The following ACR variants were observed in gnomAD, a reference collection of about 807,000 sequenced individuals.
ACR encodes acrosin light and heavy chain prepropeptide.
A neutral mutation model predicts 26.0 loss-of-function variants in ACR; 17 were observed. That is an observed-to-expected ratio of 0.65 (90% CI 0.45 to 0.98). ACR has a LOEUF of 0.98. ACR is among the 50% of genes least tolerant of loss of function. The pLI is 0.00. For missense variants in ACR, 435 were observed against 519.3 expected (o/e 0.84, Z 1.58); for synonymous variants, 199 against 207.7 (o/e 0.96, Z 0.36).
rs1385110145 is a variant in ACR, at chr22:50,744,223, C to T, written c.711+17C>T. On this transcript the variant is annotated intron_variant, in intron 4 of 4. Coordinates refer to ENST00000216139, the MANE Select transcript of ACR (RefSeq NM_001097.3). ...ACCTGCCAGGTAACCTTCCTTCTGG[C>T]TTCTGGGCCCCTGGGTCCCTCCAGG... 1 of 1,605,690 alleles carries T rather than the reference C, an allele frequency of 6.2e-7. No homozygotes were observed. The highest frequency in any genetic ancestry group is 1.3e-5 in the African/African-American group (1 of 74,518).
chr22:50,742,720 C>G (rs533580620), intron 3 of ACR, among the ~76,000 whole-genome samples: 1 of 152,194 alleles, frequency 6.6e-6, no homozygotes, highest in South Asian at 2.1e-4. Flanking sequence ...AGCGAGCACT[C>G]GTTCAGCAGC....
intron 3 of ACR, chr22:50,740,807 C>G: frequency 1.5e-6 from 1 of 678,944 alleles, no homozygotes; most frequent in South Asian, 1.6e-5. Context: ...TTCTTCCGTA[C>G]CAGACCAGGC....
chr22:50,744,916 T>C lies in ACR; in HGVS notation c.975T>C (p.Pro325=), dbSNP rs1217547418. ...CCCACCCTATCTCTGCTCACCTTCC[T>C]TGGTATTTCCAACCGCCCCCTCGAC... The part of the protein sequence containing the change: ...PFSHPISAHL[P]WYFQPPPRPL... Residue 325 remains proline (P), a synonymous_variant, in exon 5 of 5, where the codon CCT becomes CCC. Transcript: ENST00000216139. 18 of 1,554,780 alleles carry C rather than the reference T, an allele frequency of 1.2e-5. No homozygotes were observed. The highest frequency in any genetic ancestry group is 1.4e-5 in the Non-Finnish European group (16 of 1,153,062).
Position 50,739,705 on chromosome 22 carries a change from A to G in ACR, c.293A>G (p.Asp98Gly). 6.5e-7 allele frequency: 1 copy of G among 1,540,178 alleles called. No individual in the cohort carries two copies. The highest frequency in any genetic ancestry group is 1.3e-5 in the South Asian group (1 of 77,644). Reference sequence around the variant, plus strand: ...CTTTGTGCCCACAGTAATGTGCATGACTGGAGACTGGTTTTCGGAGCAAAG... The same window carrying G: ...CTTTGTGCCCACAGTAATGTGCATGGCTGGAGACTGGTTTTCGGAGCAAAG... ...HCFVGKNNVH[D>G]WRLVFGAKEI... Residue 98 changes from aspartate (D) to glycine (G), a missense_variant, in exon 3 of 5, where the codon GAC becomes GGC. Transcript: ENST00000216139. The surrounding 1 kb of genome is among the most constrained non-coding windows in gnomAD (Gnocchi z 5.5).
In ACR at chr22:50,743,114, C is replaced by T. The variant is rs549738908; in HGVS notation, c.566-947C>T. Among the ~76,000 whole-genome samples, 280 of 151,650 alleles carry T rather than the reference C, an allele frequency of 1.8e-3. 1 individual carries two copies. Among genetic ancestry groups the T allele is most frequent in the Middle Eastern group, 6.8e-3 (2 of 294 alleles). Reference sequence around the variant, plus strand: ...GCAGTGGCGCCATCTCGGCTCACTGCAAGCTCCGCCTCCCGGGTTCACGCC... The same window carrying T: ...GCAGTGGCGCCATCTCGGCTCACTGTAAGCTCCGCCTCCCGGGTTCACGCC... On this transcript the variant is annotated intron_variant, in intron 3 of 4. Transcript: ENST00000216139.
intron 3 of ACR, among the ~76,000 whole-genome samples, chr22:50,742,620 T>A (rs1284436541): frequency 6.6e-6 from 1 of 151,808 alleles, no homozygotes; most frequent in Non-Finnish European, 1.5e-5. Context: ...ATGTCACCCC[T>A]ACCCCAAGGG....
chr22:50,745,307 A>T lies in ACR; in HGVS notation c.*100A>T, dbSNP rs1248279275. 4.0e-6 allele frequency: 5 copies of T among 1,240,290 alleles called. No individual in the cohort carries two copies. The highest frequency in any genetic ancestry group is 5.4e-6 in the Non-Finnish European group (5 of 923,962). 76.8% of individuals were successfully genotyped at this position (1,240,290 alleles called of 1,614,324 possible). ...CATATATATATAGATATACACACAC[A>T]CATATCTGTATGTATACATGCATAT... On this transcript the variant is annotated 3_prime_UTR_variant, in exon 5 of 5. Coordinates refer to ENST00000216139, the MANE Select transcript of ACR (RefSeq NM_001097.3).
intron 4 of ACR, 80 bp downstream of exon 4, chr22:50,744,286 C>T: frequency 3.3e-6 from 4 of 1,205,812 alleles, no homozygotes; most frequent in Non-Finnish European, 3.6e-6. Flanking sequence ...CTTTTGGATC[C>T]CCAAGCTCCA....
rs752296315 is a variant in ACR at position 50,744,148 on chromosome 22, G to A, written c.653G>A (p.Arg218His). ...AACTCGACCCAGTGGTACAATGGGC[G>A]CGTTCAGCCAACCAATGTGTGCGCG... ...LCNSTQWYNG[R>H]VQPTNVCAGY... The change falls in exon 4 of 5, where the codon CGC becomes CAC. Residue 218 changes from arginine (R) to histidine (H), a missense_variant. Arg to His is a conservative substitution (Grantham distance 29). This residue lies in a region of ACR where 314 missense variants were observed against 372.0 expected (regional missense o/e 0.84). Transcript: ENST00000216139. 1.8e-5 allele frequency: 29 copies of A among 1,613,902 alleles called. No homozygotes were observed. The highest frequency in any genetic ancestry group is 8.0e-5 in the African/African-American group (6 of 75,002).
chr22:50,742,464 A>T (rs1371799764), intron 3 of ACR, among the ~76,000 whole-genome samples: 2 of 151,482 alleles, frequency 1.3e-5, no homozygotes, highest in Non-Finnish European at 2.9e-5. Context: ...GAATGGCGTG[A>T]ACCCAGGAGG....
rs763011946 is a variant in ACR at position 50,739,914 on chromosome 22, G to A, written c.502G>A (p.Ala168Thr). The A allele has an allele frequency of 7.4e-6, 12 of 1,613,798 alleles. No homozygotes were observed. Among genetic ancestry groups the A allele is most frequent in the African/African-American group, 1.3e-5 (1 of 74,876 alleles). Residue 168 changes from alanine to threonine, a missense_variant, in exon 3 of 5, where the codon GCA becomes ACA. This residue lies in a region of ACR where 314 missense variants were observed against 372.0 expected (regional missense o/e 0.84). Coordinates refer to ENST00000216139, the MANE Select transcript of ACR (RefSeq NM_001097.3). The surrounding 1 kb of genome is among the most constrained non-coding windows in gnomAD (Gnocchi z 5.5). ...GCCGGGCTGCCTGCCCCACTTTAAG[G>A]CAGGCCTCCCCAGAGGCTCCCAGAG... Reference protein sequence around the residue: ...IGPGCLPHFKAGLPRGSQSCW... With the variant: ...IGPGCLPHFKTGLPRGSQSCW...
chr22:50,738,426 C>A (rs1443052048), intron 1 of ACR, 114 bp downstream of exon 1: 29 of 1,093,382 alleles, frequency 2.7e-5, no homozygotes, highest in Middle Eastern at 2.8e-4. Flanking sequence ...CTGGACCCCC[C>A]CTGCTCCCAG....
At chr22:50,744,019 G>C in intron 3 of ACR, 42 bp from the exon 4 acceptor site, 1 of 1,416,970 alleles carries the variant, frequency 7.1e-7, no homozygotes, top group Non-Finnish European at 9.9e-7. Context: ...GCTTTTGTCC[G>C]TGTCTCCCGT....
Position 50,739,179 on chromosome 22 carries a change from C to A in ACR, c.78-92C>A. 1 of 1,232,632 alleles carries A rather than the reference C, an allele frequency of 8.1e-7. No homozygotes were observed. Among genetic ancestry groups the A allele is most frequent in the Non-Finnish European group, 1.1e-6 (1 of 871,900 alleles). The allele number at this position is 1,232,632 out of a possible 1,614,324, so 76.4% of individuals were successfully genotyped here. On this transcript the variant is annotated intron_variant, in intron 1 of 4. Transcript: ENST00000216139. This position sits in a 1 kb window ranked among gnomAD's most constrained non-coding sequence, Gnocchi z 5.5. Reference sequence around the variant, plus strand: ...CCCGGAAGCTCTTCCCCACTTTTCCCAACCCCATGTCCCTGCCTCCCCTCA... The same window carrying A: ...CCCGGAAGCTCTTCCCCACTTTTCCAAACCCCATGTCCCTGCCTCCCCTCA...
At chr22:50,741,613 G>C (rs2083425042) in intron 3 of ACR, among the ~76,000 whole-genome samples, 1 of 151,884 alleles carries the variant, frequency 6.6e-6, no homozygotes, top group African/African-American at 2.4e-5. Context: ...CTCTGTTTCT[G>C]TTTGGGGTTT....
In ACR at chr22:50,739,137, C is replaced by G; in HGVS notation, c.78-134C>G. ...GCGGCTTCCTACATAGCGCAGGCTG[C>G]CCCTGCTTTCCCAGAACCCGGAAGC... On this transcript the variant is annotated intron_variant, in intron 1 of 4. Coordinates refer to ENST00000216139, the MANE Select transcript of ACR (RefSeq NM_001097.3). This position sits in a 1 kb window ranked among gnomAD's most constrained non-coding sequence, Gnocchi z 5.5. 1.3e-6 allele frequency: 1 copy of G among 754,176 alleles called. No individual in the cohort carries two copies. Among genetic ancestry groups the G allele is most frequent in the Non-Finnish European group, 2.2e-6 (1 of 455,370 alleles). The allele number at this position is 754,176 out of a possible 1,614,324, so 46.7% of individuals were successfully genotyped here.
Position 50,739,406 on chromosome 22 carries a change from C to T in ACR, c.213C>T (p.His71=). ...TCACGTACAACAGCCACAGGTACCA[C>T]ACATGTGGAGGCAGCTTGCTGAATT... ...QIFTYNSHRY[H]TCGGSLLNSR... The change falls in exon 2 of 5, where the codon CAC becomes CAT. Residue 71 remains histidine, a synonymous_variant. Coordinates refer to ENST00000216139, the MANE Select transcript of ACR (RefSeq NM_001097.3). This position sits in a 1 kb window ranked among gnomAD's most constrained non-coding sequence, Gnocchi z 5.5. The T allele has an allele frequency of 1.9e-6, 3 of 1,614,220 alleles. No individual in the cohort carries two copies. Among genetic ancestry groups the T allele is most frequent in the South Asian group, 1.1e-5 (1 of 91,066 alleles).
chr22:50,742,577 T>C (rs1159042214), intron 3 of ACR, among the ~76,000 whole-genome samples: 1 of 149,870 alleles, frequency 6.7e-6, no homozygotes, highest in Non-Finnish European at 1.5e-5. Context: ...TCTTAATGGC[T>C]AATAAGCCAG....
At chr22:50,742,523 G>T (rs944120003) in intron 3 of ACR, among the ~76,000 whole-genome samples, 4 of 138,646 alleles carry the variant, frequency 2.9e-5, no homozygotes, top group African/African-American at 1.1e-4. Context: ...CAGCCTGGGC[G>T]ACAGAGCAAG....
Sources: allele counts gnomAD v4.1 joint callset (sites outside exome capture counted in the v4.1 genomes callset), GRCh38; gene constraint gnomAD v4.1.1; regional missense constraint gnomAD v4.1.1; non-coding constraint Gnocchi (gnomAD v3.1); transcripts MANE v1.5; gene names NCBI Gene and HGNC (gene_info 2026-07-23, HGNC 2026-07-21).